Variants in NTM observed in about 807,000 individuals in gnomAD.
The protein encoded by NTM is neurotrimin.
A neutral mutation model predicts 42.1 loss-of-function variants in NTM; 13 were observed. The ratio of observed to expected loss-of-function variants is 0.31; its 90% CI spans 0.20 to 0.49. The LOEUF (loss-of-function observed/expected upper bound fraction) is 0.49. NTM is among the 20% of genes least tolerant of loss of function. The probability of loss-of-function intolerance (pLI) is 0.99; values close to 1 mark genes in which losing one functional copy is unlikely to be tolerated. For synonymous variants in NTM, 187 were observed against 179.2 expected (o/e 1.04, Z -0.35); for missense variants, 373 against 452.8 (o/e 0.82, Z 1.60).
intron 2 of NTM, among the ~76,000 whole-genome samples, chr11:131,959,394 G>A (rs1346657997): frequency 2.0e-5 from 3 of 152,120 alleles, no homozygotes; most frequent in African/African-American, 4.8e-5. Context: ...TTGGGAGGCC[G>A]AGGTGGGAGG....
intron 1 of NTM, among the ~76,000 whole-genome samples, chr11:131,559,762 C>T (rs965506527): frequency 6.6e-6 from 1 of 152,206 alleles, no homozygotes; most frequent in Admixed American, 6.5e-5. Flanking sequence ...GCTGCTTCAG[C>T]ACTTACCATC....
intron 4 of NTM, among the ~76,000 whole-genome samples, chr11:132,264,591 A>G (rs1185133820): frequency 6.6e-6 from 1 of 152,086 alleles, no homozygotes; most frequent in Non-Finnish European, 1.5e-5. Flanking sequence ...TTATACATAC[A>G]CTGTATTGTA....
At chr11:132,187,660 A>C (rs564185555) in intron 3 of NTM, among the ~76,000 whole-genome samples, 86 of 152,312 alleles carry the variant, frequency 5.6e-4, no homozygotes, top group African/African-American at 1.9e-3. Flanking sequence ...CAGGTGGAGT[A>C]CAAAAGAAGG....
At chr11:132,242,064 G>T (rs375978701) in intron 4 of NTM, among the ~76,000 whole-genome samples, 1 of 152,302 alleles carries the variant, frequency 6.6e-6, no homozygotes, top group South Asian at 2.1e-4. Flanking sequence ...GTGGTTGTTT[G>T]ATGCCATCTC....
chr11:131,900,269 TA>T (rs2052953281), intron 1 of NTM, among the ~76,000 whole-genome samples: 1 of 152,114 alleles, frequency 6.6e-6, no homozygotes, highest in East Asian at 1.9e-4. Flanking sequence ...TGTAATACAA[TA>T]AAACAAAATC....
At chr11:132,131,568 G>C (rs2066830588) in intron 2 of NTM, among the ~76,000 whole-genome samples, 1 of 152,060 alleles carries the variant, frequency 6.6e-6, no homozygotes, top group South Asian at 2.1e-4. Flanking sequence ...AGTAGGGAGG[G>C]GTGCTGTAGA....
intron 1 of NTM, among the ~76,000 whole-genome samples, chr11:131,570,561 A>G (rs1449275138): frequency 6.6e-6 from 1 of 152,194 alleles, no homozygotes; most frequent in Non-Finnish European, 1.5e-5. Context: ...GCGGTGGCTC[A>G]CGCCTGTAAT....
chr11:132,161,686 G>A (rs946727875), intron 3 of NTM, among the ~76,000 whole-genome samples: 1 of 151,808 alleles, frequency 6.6e-6, no homozygotes, highest in African/African-American at 2.4e-5. Context: ...CCATCCCTCT[G>A]TTTCACCCAG....
intron 2 of NTM, among the ~76,000 whole-genome samples, chr11:132,087,656 T>C (rs1180937975): frequency 6.6e-6 from 1 of 152,116 alleles, no homozygotes; most frequent in Non-Finnish European, 1.5e-5. Flanking sequence ...TGAATTGTGG[T>C]CCTGGTCTAA....
chr11:131,874,146 C>T (rs1360412775), intron 1 of NTM, among the ~76,000 whole-genome samples: 1 of 146,776 alleles, frequency 6.8e-6, no homozygotes, highest in Admixed American at 7.1e-5. Context: ...CCTTCTTGGT[C>T]TCACCTGGGC....
intron 1 of NTM, among the ~76,000 whole-genome samples, chr11:131,735,838 GTGTGT>G (rs1565483540): frequency 1.3e-4 from 13 of 99,332 alleles, no homozygotes; most frequent in African/African-American, 5.6e-4. Context: ...TTCATAAGGT[GTGTGT>G]GTGTGTGTGT....
At chr11:132,274,109 A>G (rs889178378) in intron 4 of NTM, among the ~76,000 whole-genome samples, 3 of 151,934 alleles carry the variant, frequency 2.0e-5, no homozygotes, top group African/African-American at 7.3e-5. Flanking sequence ...TAGTAATTTT[A>G]CTTCTATTTC....
At chr11:132,000,957 G>A (rs879462476) in intron 2 of NTM, among the ~76,000 whole-genome samples, 7 of 152,186 alleles carry the variant, frequency 4.6e-5, no homozygotes, top group Non-Finnish European at 8.8e-5. Flanking sequence ...GGTAGATAAA[G>A]CGAAGTAGGA....
chr11:132,123,261 A>T (rs1042221501), intron 2 of NTM, among the ~76,000 whole-genome samples: 1 of 152,146 alleles, frequency 6.6e-6, no homozygotes, highest in East Asian at 1.9e-4. Flanking sequence ...AAGGACAGAG[A>T]AGGGACTGGA....
rs774342627 is a variant in NTM at position 132,056,696 on chromosome 11, C to T, written c.168-89586C>T. On this transcript the variant is annotated intron_variant, in intron 2 of 8. Coordinates refer to ENST00000683400, the MANE Select transcript of NTM (RefSeq NM_001352005.2). The stretch of plus-strand genomic sequence containing the variant: ...TCTTTTCTTGCTCTTCTCAACCCAC[C>T]TTGCCTGACAGTTTGTTACATTGTC... Among the ~76,000 whole-genome samples, 3 of 152,222 alleles carry T rather than the reference C, an allele frequency of 2.0e-5. No homozygotes were observed. The East Asian group carries it at 5.8e-4, about 29-fold the overall frequency.
At chr11:132,004,984 G>A (rs1007636100) in intron 2 of NTM, among the ~76,000 whole-genome samples, 5 of 152,168 alleles carry the variant, frequency 3.3e-5, no homozygotes, top group Non-Finnish European at 7.3e-5. Flanking sequence ...ATGACAACGG[G>A]ATGCTAGGAC....
At chr11:132,178,328 G>C (rs925438731) in intron 3 of NTM, among the ~76,000 whole-genome samples, 2 of 152,132 alleles carry the variant, frequency 1.3e-5, no homozygotes, top group Admixed American at 6.5e-5. Context: ...AAGCTACAAG[G>C]CTTCCTTTTT....
intron 1 of NTM, among the ~76,000 whole-genome samples, chr11:131,389,483 G>A (rs1328870769): frequency 3.9e-5 from 6 of 152,156 alleles, no homozygotes; most frequent in East Asian, 1.9e-4. Flanking sequence ...CCTACTTCCC[G>A]CTGTGCTTCT....
chr11:131,522,507 G>T (rs941828026), intron 1 of NTM, among the ~76,000 whole-genome samples: 1 of 152,146 alleles, frequency 6.6e-6, no homozygotes, highest in Non-Finnish European at 1.5e-5. Context: ...AGCTATCAGG[G>T]TTATGTGTTT....
Sources: allele counts gnomAD v4.1 joint callset (sites outside exome capture counted in the v4.1 genomes callset), GRCh38; gene constraint gnomAD v4.1.1; transcripts MANE v1.5; gene names NCBI Gene and HGNC (gene_info 2026-07-23, HGNC 2026-07-21).